FOXP1: variants seen among roughly 807,000 people sequenced by gnomAD.
The protein encoded by FOXP1 is forkhead box protein P1.
FOXP1 carries 15 observed loss-of-function variants against 98.2 expected under a neutral mutation model. That is an observed-to-expected ratio of 0.15 (90% CI 0.10 to 0.24). FOXP1 has a LOEUF of 0.24. FOXP1 is among the 10% of genes least tolerant of loss of function. FOXP1 has a pLI of 1.00. For synonymous variants in FOXP1, 371 were observed against 314.5 expected, an observed-to-expected ratio of 1.18 and a Z score of -1.90; for missense variants, 633 against 848.5, an observed-to-expected ratio of 0.75 and a Z score of 3.15.
chr3:71,178,665 C>T (rs1275137048), intron 6 of FOXP1, among the ~76,000 whole-genome samples: 4 of 151,702 alleles, frequency 2.6e-5, no homozygotes, highest in South Asian at 2.1e-4. Context: ...AGGCGGATCA[C>T]GAGGTCAGGA....
chr3:71,248,846 G>C (rs181483595), intron 5 of FOXP1, among the ~76,000 whole-genome samples: 1 of 152,308 alleles, frequency 6.6e-6, no homozygotes, highest in East Asian at 1.9e-4. Context: ...CAACCTATGA[G>C]ATTAGGGGAA....
chr3:71,527,262 C>T (rs141501459), intron 2 of FOXP1, among the ~76,000 whole-genome samples: 71 of 152,256 alleles, frequency 4.7e-4, no homozygotes, highest in African/African-American at 1.7e-3. Context: ...CAAGGAGCAG[C>T]AAAGAATAAT....
rs2079516909 is a variant in FOXP1 at position 71,373,794 on chromosome 3, C to G, written c.-167-14550G>C. 2.0e-5 allele frequency among the ~76,000 whole-genome samples: 3 copies of G among 152,212 alleles called. No homozygotes were observed. The South Asian group carries it at 6.2e-4, about 32-fold the overall frequency. ...GACACGCATCTTAGGTGGAAAGACA[C>G]AAAGAAAAGGGTGAACTCACCTCTA... On this transcript the variant is annotated intron_variant, in intron 3 of 20. Transcript: ENST00000649528.
Position 71,177,603 on chromosome 3 carries a change from C to T in FOXP1, c.180+20599G>A, listed in dbSNP as rs192864947. Among the ~76,000 whole-genome samples the T allele has an allele frequency of 1.4e-4, 22 of 152,218 alleles. No homozygotes were observed. In the East Asian group the frequency reaches 3.3e-3, roughly 23 times the overall value. ...AGGGTGAAATCTGGGCTTGTCCAGT[C>T]GTAAGCTGTGTGAACGAGCGTGGGC... On this transcript the variant is annotated intron_variant, in intron 6 of 20. Coordinates refer to ENST00000649528, the MANE Select transcript of FOXP1 (RefSeq NM_001349338.3).
chr3:71,081,691 C>T (rs1457034482), intron 7 of FOXP1, among the ~76,000 whole-genome samples: 1 of 152,168 alleles, frequency 6.6e-6, no homozygotes, highest in Non-Finnish European at 1.5e-5. Flanking sequence ...ATTTCCACTA[C>T]AAATTATGAA....
At chr3:71,200,947 T>C (rs959194074) in intron 5 of FOXP1, among the ~76,000 whole-genome samples, 4 of 152,226 alleles carry the variant, frequency 2.6e-5, no homozygotes, top group African/African-American at 9.7e-5. Flanking sequence ...TACAGACTCT[T>C]CATAAACCCA....
chr3:71,051,998 C>T (rs2049962426), intron 9 of FOXP1, among the ~76,000 whole-genome samples: 1 of 152,188 alleles, frequency 6.6e-6, no homozygotes, highest in African/African-American at 2.4e-5. Flanking sequence ...CTCATGCTCT[C>T]TGGCACATGC....
intron 6 of FOXP1, among the ~76,000 whole-genome samples, chr3:71,148,347 C>T (rs1368938114): frequency 1.3e-5 from 2 of 152,022 alleles, no homozygotes; most frequent in East Asian, 1.9e-4. Context: ...ATTCATTGCA[C>T]TCCAGCCTGG....
intron 3 of FOXP1, among the ~76,000 whole-genome samples, chr3:71,388,679 A>G (rs34874788): frequency 0.17 from 26,011 of 152,206 alleles, 2,635 homozygotes; most frequent in South Asian, 0.24. Flanking sequence ...GGGAAGAAGA[A>G]AAAAACATAG....
At position 70,955,570 on chromosome 3, in the gene FOXP1, GTT is replaced by G. The variant is rs35502550; in HGVS notation, c.*3675_*3676del. 9.2e-5 allele frequency: 20 copies of G among 217,304 alleles called. No homozygotes were observed. The highest frequency in any genetic ancestry group is 3.9e-4 in the African/African-American group (17 of 43,524). The allele number at this position is 217,304 out of a possible 1,614,324, so 13.5% of individuals were successfully genotyped here. On this transcript the variant is annotated 3_prime_UTR_variant, in exon 21 of 21. Transcript: ENST00000649528. ...TCTTTACATCTTGGCACCTTGTAAAGTTTTTTTTTTTTTATACAAAAGTTCAA... is the reference window on the plus strand; with the variant it reads ...TCTTTACATCTTGGCACCTTGTAAAGTTTTTTTTTTTATACAAAAGTTCAA...
intron 6 of FOXP1, among the ~76,000 whole-genome samples, chr3:71,177,647 C>T (rs567039378): frequency 1.3e-5 from 2 of 152,152 alleles, no homozygotes; most frequent in African/African-American, 2.4e-5. Context: ...AAGTTTCTTC[C>T]TGTGTAGAAC....
chr3:71,288,870 C>G (rs956032378), intron 5 of FOXP1, among the ~76,000 whole-genome samples: 5 of 152,084 alleles, frequency 3.3e-5, no homozygotes, highest in African/African-American at 1.2e-4. Flanking sequence ...TTATATAAAG[C>G]CAGTAAATAT....
intron 7 of FOXP1, among the ~76,000 whole-genome samples, chr3:71,063,993 C>T (rs1000695482): frequency 2.6e-5 from 4 of 152,184 alleles, no homozygotes; most frequent in African/African-American, 7.2e-5. Flanking sequence ...GCAGTTCTGA[C>T]AGTTGAGTTA....
At chr3:71,311,462 T>C (rs1297336343) in intron 4 of FOXP1, among the ~76,000 whole-genome samples, 1 of 152,228 alleles carries the variant, frequency 6.6e-6, no homozygotes, top group African/African-American at 2.4e-5. Context: ...AATGAGTGAA[T>C]AACACTAATC....
chr3:71,063,035 T>G (rs1325578442), intron 7 of FOXP1, among the ~76,000 whole-genome samples: 1 of 152,254 alleles, frequency 6.6e-6, no homozygotes, highest in Admixed American at 6.5e-5. Context: ...ATAACTGTCT[T>G]GCCTGAAAGG....
At chr3:71,556,629 T>A (rs182043432) in intron 2 of FOXP1, among the ~76,000 whole-genome samples, 241 of 149,580 alleles carry the variant, frequency 1.6e-3, no homozygotes, top group Non-Finnish European at 3.0e-3. Flanking sequence ...TTACTCAATG[T>A]TGGCCAAACT....
chr3:71,456,467 C>A (rs1380940828), intron 3 of FOXP1, among the ~76,000 whole-genome samples: 1 of 152,128 alleles, frequency 6.6e-6, no homozygotes, highest in African/African-American at 2.4e-5. Flanking sequence ...TACATATTGT[C>A]AACATCAGAA....
chr3:71,144,267 G>A (rs915353856), intron 6 of FOXP1, among the ~76,000 whole-genome samples: 4 of 152,180 alleles, frequency 2.6e-5, no homozygotes. Flanking sequence ...CCTCACTAGT[G>A]TATGTACTGA....
chr3:71,092,044 C>T (rs1172552765), intron 7 of FOXP1, among the ~76,000 whole-genome samples: 3 of 151,702 alleles, frequency 2.0e-5, no homozygotes, highest in African/African-American at 4.8e-5. Flanking sequence ...AAAAATTAGC[C>T]GGGCATGGTG....
Sources: allele counts gnomAD v4.1 joint callset (sites outside exome capture counted in the v4.1 genomes callset), GRCh38; gene constraint gnomAD v4.1.1; transcripts MANE v1.5; gene names NCBI Gene and HGNC (gene_info 2026-07-23, HGNC 2026-07-21).